MFHAS1: variants seen among roughly 807,000 people sequenced by gnomAD.
The protein encoded by MFHAS1 is malignant fibrous histiocytoma-amplified sequence 1.
A neutral mutation model predicts 70.4 loss-of-function variants in MFHAS1; 50 were observed. That is an observed-to-expected ratio of 0.71 (90% CI 0.57 to 0.90). The LOEUF is 0.90. MFHAS1 is among the 40% of genes least tolerant of loss of function. The probability of loss-of-function intolerance (pLI) is 0.00; values close to 1 mark genes in which losing one functional copy is unlikely to be tolerated. For synonymous variants in MFHAS1, 952 were observed against 620.0 expected (o/e 1.54, Z -7.96); for missense variants, 1,795 against 1,347.6 (o/e 1.33, Z -5.20).
chr8:8,824,447 G>C (rs983949199), intron 1 of MFHAS1, among the ~76,000 whole-genome samples: 1 of 147,834 alleles, frequency 6.8e-6, no homozygotes, highest in African/African-American at 2.5e-5. Flanking sequence ...GGCCATTTCA[G>C]AGTCTTCTGG....
chr8:8,891,207 G>T lies in MFHAS1; in HGVS notation c.1852C>A (p.Leu618Met), dbSNP rs1533102. Residue 618 changes from leucine to methionine, a missense_variant, in exon 1 of 3, where the codon CTG (leucine) becomes ATG (methionine). Leu to Met is a conservative substitution (Grantham distance 15). Transcript: ENST00000276282. This position sits in a 1 kb window ranked among gnomAD's most constrained non-coding sequence, Gnocchi z 5.4. Reference sequence around the variant, plus strand: ...GGCAACACGGGGGAGAGGATCTGCAGCCGGTGGTTGAGCAGGTATTGAAAA... The same window carrying T: ...GGCAACACGGGGGAGAGGATCTGCATCCGGTGGTTGAGCAGGTATTGAAAA... ...AHFQYLLNHR[L>M]QILSPVLPVS... is the part of the protein sequence containing the mutation. 3 of 1,612,826 alleles carry T rather than the reference G, an allele frequency of 1.9e-6. No individual in the cohort carries two copies. Among genetic ancestry groups the T allele is most frequent in the Non-Finnish European group, 2.5e-6 (3 of 1,180,034 alleles).
At chr8:8,855,226 C>G (rs963533877) in intron 1 of MFHAS1, among the ~76,000 whole-genome samples, 1 of 152,186 alleles carries the variant, frequency 6.6e-6, no homozygotes, top group Non-Finnish European at 1.5e-5. Context: ...GTGCTGGGAT[C>G]ACAGGCGTGA....
At chr8:8,802,281 T>G (rs913711182) in intron 1 of MFHAS1, among the ~76,000 whole-genome samples, 1 of 152,214 alleles carries the variant, frequency 6.6e-6, no homozygotes, top group African/African-American at 2.4e-5. Context: ...ACAGTAGGAC[T>G]GACTAAACTC....
intron 1 of MFHAS1, among the ~76,000 whole-genome samples, chr8:8,885,746 G>A (rs1346047480): frequency 2.0e-5 from 3 of 152,240 alleles, no homozygotes; most frequent in Admixed American, 6.5e-5. Flanking sequence ...GTCTTGCCCT[G>A]TCGCCCAGGC....
chr8:8,885,037 A>T (rs1180780684), intron 1 of MFHAS1, among the ~76,000 whole-genome samples: 1 of 152,090 alleles, frequency 6.6e-6, no homozygotes, highest in Non-Finnish European at 1.5e-5. Context: ...AGAAGCTACT[A>T]AGTCTCGGGT....
intron 1 of MFHAS1, among the ~76,000 whole-genome samples, chr8:8,846,667 A>T (rs1450115443): frequency 6.6e-6 from 1 of 151,772 alleles, no homozygotes; most frequent in African/African-American, 2.4e-5. Context: ...CAAACCAAGA[A>T]CACAGCTGTC....
At chr8:8,792,890 G>C (rs772188568) in intron 2 of MFHAS1, among the ~76,000 whole-genome samples, 1 of 151,734 alleles carries the variant, frequency 6.6e-6, no homozygotes, top group Admixed American at 6.5e-5. Flanking sequence ...TTTTCAGAGC[G>C]ACCCAGGCAA....
chr8:8,875,792 C>A (rs748149195), intron 1 of MFHAS1, among the ~76,000 whole-genome samples: 1 of 152,280 alleles, frequency 6.6e-6, no homozygotes, highest in African/African-American at 2.4e-5. Flanking sequence ...GGGGTTTCAC[C>A]ATGTCAGACT....
At chr8:8,887,859 C>CAAAAAAAAA (rs11300082) in intron 1 of MFHAS1, among the ~76,000 whole-genome samples, 5 of 95,470 alleles carry the variant, frequency 5.2e-5, no homozygotes, top group East Asian at 4.1e-4. Flanking sequence ...GCAAAAAAAA[C>CAAAAAAAAA]AAAAAAAAAA....
intron 1 of MFHAS1, among the ~76,000 whole-genome samples, chr8:8,819,387 C>T (rs552170522): frequency 3.9e-4 from 59 of 152,080 alleles, no homozygotes; most frequent in Non-Finnish European, 6.6e-4. Flanking sequence ...GGGCGGATCA[C>T]GAGGTCAGGA....
At chr8:8,877,912 A>T (rs1364510500) in intron 1 of MFHAS1, among the ~76,000 whole-genome samples, 1 of 152,220 alleles carries the variant, frequency 6.6e-6, no homozygotes, top group Admixed American at 6.5e-5. Flanking sequence ...TGCAAAACGC[A>T]TCTGTGCCCA....
chr8:8,887,549 A>G (rs1809813906), intron 1 of MFHAS1, among the ~76,000 whole-genome samples: 1 of 150,498 alleles, frequency 6.6e-6, no homozygotes, highest in Non-Finnish European at 1.5e-5. Context: ...ATATACATAT[A>G]TATTTTATAT....
At chr8:8,853,007 A>G (rs969455341) in intron 1 of MFHAS1, among the ~76,000 whole-genome samples, 7 of 152,218 alleles carry the variant, frequency 4.6e-5, no homozygotes, top group African/African-American at 7.2e-5. Flanking sequence ...AAAAAACCCA[A>G]TATCACCCAA....
chr8:8,855,011 G>C (rs546312477), intron 1 of MFHAS1, among the ~76,000 whole-genome samples: 1 of 152,274 alleles, frequency 6.6e-6, no homozygotes, highest in East Asian at 1.9e-4. Flanking sequence ...CTGGGCTCAA[G>C]TGATTCTCCC....
intron 1 of MFHAS1, among the ~76,000 whole-genome samples, chr8:8,841,743 C>T (rs1807834701): frequency 6.6e-6 from 1 of 152,170 alleles, no homozygotes; most frequent in Non-Finnish European, 1.5e-5. Context: ...CGAAGCCTTC[C>T]AGACCCCACA....
intron 1 of MFHAS1, among the ~76,000 whole-genome samples, chr8:8,889,045 C>CA (rs1183912406): frequency 3.4e-5 from 4 of 118,716 alleles, no homozygotes; most frequent in South Asian, 2.8e-4. Flanking sequence ...AAAAAAAAAA[C>CA]AAAAAACCCC....
intron 1 of MFHAS1, among the ~76,000 whole-genome samples, chr8:8,873,525 C>T (rs1284153873): frequency 1.3e-5 from 2 of 148,378 alleles, no homozygotes; most frequent in African/African-American, 2.5e-5. Context: ...TGCTGGGTTA[C>T]ACCCACTCTT....
intron 1 of MFHAS1, among the ~76,000 whole-genome samples, chr8:8,814,378 C>G (rs1433282868): frequency 6.6e-6 from 1 of 152,224 alleles, no homozygotes; most frequent in South Asian, 2.1e-4. Flanking sequence ...GAGCAATAGG[C>G]TAGACCCTAC....
chr8:8,801,551 A>G (rs541732485), intron 1 of MFHAS1, among the ~76,000 whole-genome samples: 1 of 152,384 alleles, frequency 6.6e-6, no homozygotes, highest in Middle Eastern at 3.4e-3. Flanking sequence ...TAGATTAAGA[A>G]CATAAGAAAA....
Sources: gnomAD v4.1 joint callset for allele counts (sites outside exome capture counted in the v4.1 genomes callset) on GRCh38, gnomAD v4.1.1 for gene constraint, Gnocchi (gnomAD v3.1) non-coding constraint, MANE v1.5 for transcripts, NCBI Gene and HGNC (gene_info 2026-07-23, HGNC 2026-07-21) for gene names.